CPS1: variants seen among roughly 807,000 people sequenced by gnomAD.
The protein encoded by CPS1 is carbamoyl-phosphate synthase 1.
CPS1 carries 109 observed loss-of-function variants against 174.6 expected under a neutral mutation model. That is an observed-to-expected ratio of 0.62 (90% CI 0.53 to 0.73). CPS1 has a LOEUF of 0.73. Ranked by LOEUF, CPS1 falls within the 30% of genes least tolerant of loss-of-function variation. The pLI is 0.00. For synonymous variants in CPS1, 637 were observed against 632.0 expected, an observed-to-expected ratio of 1.01 and a Z score of -0.12; for missense variants, 1,689 against 1,821.9, an observed-to-expected ratio of 0.93 and a Z score of 1.33.
intron 1 of CPS1, among the ~76,000 whole-genome samples, chr2:210,515,573 G>A (rs1166458395): frequency 4.0e-5 from 6 of 151,442 alleles, no homozygotes; most frequent in Non-Finnish European, 8.9e-5. Flanking sequence ...TTCTGATTGT[G>A]CTTATTTTGA....
At position 210,544,528 on chromosome 2, in the gene CPS1, C is replaced by T. The variant is rs562770913; in HGVS notation, c.4-12191C>T. On this transcript the variant is annotated intron_variant, in intron 1 of 38. Coordinates refer to the CPS1 transcript ENST00000430249. ...ATGTTTTATATATTTAATATTAAAA[C>T]TCCTAATTCTGCTTGTTGCTGAGCT... 1.1e-4 allele frequency among the ~76,000 whole-genome samples: 17 copies of T among 152,092 alleles called. No individual in the cohort carries two copies. In the East Asian group the frequency reaches 2.7e-3, roughly 24 times the overall value.
At chr2:210,485,118 C>G (rs1350291477) in intron 1 of CPS1, among the ~76,000 whole-genome samples, 2 of 151,792 alleles carry the variant, frequency 1.3e-5, no homozygotes, top group African/African-American at 4.8e-5. Context: ...GTAGTCCCAA[C>G]TACTCGGGAG....
chr2:210,609,095 TAGTAGATTATTA>T (rs1699023679), intron 19 of CPS1, among the ~76,000 whole-genome samples: 1 of 151,960 alleles, frequency 6.6e-6, no homozygotes, highest in Non-Finnish European at 1.5e-5. Context: ...GATATGAGCA[TAGTAGATTATTA>T]AGCCCTCTTT....
chr2:210,588,252 C>A, intron 7 of CPS1, 105 bp downstream of exon 7: 3 of 927,946 alleles, frequency 3.2e-6, no homozygotes, highest in Non-Finnish European at 5.3e-6. Flanking sequence ...TTCAGAATGT[C>A]AGGGGTCTAC....
intron 34 of CPS1, chr2:210,674,393 A>C (rs1252760658): frequency 1.3e-5 from 2 of 153,408 alleles, no homozygotes; most frequent in Admixed American, 1.3e-4. Context: ...GAATCGCTTG[A>C]ACCCAGAAGG....
chr2:210,668,046 A>G (rs1559137204), intron 33 of CPS1, 140 bp from the exon 34 acceptor site: 4 of 661,546 alleles, frequency 6.0e-6, no homozygotes, highest in African/African-American at 1.8e-5. Flanking sequence ...GAAGGAGTCT[A>G]TGAGTAAAGT....
chr2:210,568,407 A>G (rs968926761), intron 1 of CPS1, among the ~76,000 whole-genome samples: 12 of 152,086 alleles, frequency 7.9e-5, no homozygotes, highest in African/African-American at 2.4e-4. Context: ...ACTATATTTC[A>G]TAGGACAGGT....
At chr2:210,576,302 T>G (rs767750144) in intron 2 of CPS1, 44 bp from the exon 3 acceptor site, 2 of 1,600,118 alleles carry the variant, frequency 1.2e-6, no homozygotes, top group Admixed American at 3.3e-5. Context: ...AGCTTTGTAG[T>G]TACATACATT....
At chr2:210,593,724 C>T (rs1425984599) in intron 11 of CPS1, 3 of 864,216 alleles carry the variant, frequency 3.5e-6, no homozygotes, top group Non-Finnish European at 4.2e-6. Flanking sequence ...CTCTGCTCTA[C>T]TCTCTCATGT....
chr2:210,477,853 C>T (rs1426655719), intron 1 of CPS1: 8 of 1,423,792 alleles, frequency 5.6e-6, no homozygotes, highest in Non-Finnish European at 6.9e-6. Context: ...AAACGAGAGA[C>T]ATTTTATCAA....
intron 17 of CPS1, 81 bp downstream of exon 17, chr2:210,605,327 T>C: frequency 6.8e-7 from 1 of 1,480,574 alleles, no homozygotes; most frequent in Non-Finnish European, 9.4e-7. Flanking sequence ...ATAAAGTTGT[T>C]GCCTTTAAAT....
chr2:210,535,175 C>T (rs566732073), intron 1 of CPS1, among the ~76,000 whole-genome samples: 26 of 152,310 alleles, frequency 1.7e-4, no homozygotes, highest in Admixed American at 1.4e-3. Context: ...TTCTTAAGCT[C>T]ATCTGCCTGA....
chr2:210,555,582 TG>T, upstream of CPS1: 1 of 454,982 alleles, frequency 2.2e-6, no homozygotes, highest in South Asian at 1.6e-5. Context: ...ACTCTAGCAC[TG>T]ATTCTATGTT....
At chr2:210,503,122 C>G (rs1695191506) in intron 1 of CPS1, among the ~76,000 whole-genome samples, 1 of 152,140 alleles carries the variant, frequency 6.6e-6, no homozygotes, top group African/African-American at 2.4e-5. Context: ...CTTCCTAACT[C>G]TACAGAAAAA....
intron 21 of CPS1, among the ~76,000 whole-genome samples, chr2:210,633,986 C>T (rs1329876121): frequency 6.6e-6 from 1 of 152,118 alleles, no homozygotes; most frequent in African/African-American, 2.4e-5. Context: ...GGTTATTGTT[C>T]TAATTTAGAA....
At chr2:210,541,050 G>A (rs1483305223) in intron 1 of CPS1, among the ~76,000 whole-genome samples, 2 of 152,160 alleles carry the variant, frequency 1.3e-5, no homozygotes, top group Non-Finnish European at 2.9e-5. Context: ...GCTGGATGGA[G>A]GGGTGGATAT....
rs545777155 is a variant in CPS1, at chr2:210,537,379, G to A, written c.4-19340G>A. Among the ~76,000 whole-genome samples, 7 of 152,324 alleles carry A rather than the reference G, an allele frequency of 4.6e-5. No individual in the cohort carries two copies. The South Asian group carries it at 1.4e-3, about 32-fold the overall frequency. ...GTAATTCAGTCTGGTTGGAGAGACAGGCATAGGGTTAATAAAGGATTTGTG... is the reference window on the plus strand; with the variant it reads ...GTAATTCAGTCTGGTTGGAGAGACAAGCATAGGGTTAATAAAGGATTTGTG... On this transcript the variant is annotated intron_variant, in intron 1 of 38. Transcript: ENST00000430249.
intron 8 of CPS1, 131 bp from the exon 9 acceptor site, chr2:210,590,669 A>T: frequency 2.9e-6 from 2 of 697,370 alleles, no homozygotes; most frequent in Non-Finnish European, 5.0e-6. Context: ...GTCCTTTTTT[A>T]TATTCTTCTT....
intron 28 of CPS1, among the ~76,000 whole-genome samples, chr2:210,653,346 C>A (rs1700614197): frequency 6.6e-6 from 1 of 152,034 alleles, no homozygotes; most frequent in African/African-American, 2.4e-5. Context: ...GGCATCCCGA[C>A]CCTGACATGG....
Sources: allele counts gnomAD v4.1 joint callset (sites outside exome capture counted in the v4.1 genomes callset), GRCh38; gene constraint gnomAD v4.1.1; transcripts MANE v1.5; gene names NCBI Gene and HGNC (gene_info 2026-07-23, HGNC 2026-07-21).